HINT3: variants seen among roughly 807,000 people sequenced by gnomAD.
HINT3 encodes the protein adenosine 5'-monophosphoramidase HINT3.
In HINT3, 16 loss-of-function variants were observed where a neutral mutation model predicts 19.1. The ratio of observed to expected loss-of-function variants is 0.84; its 90% CI spans 0.57 to 1.27. The LOEUF (loss-of-function observed/expected upper bound fraction) is 1.27, where lower values mean the gene tolerates loss of function less well. HINT3 is among the 50% of genes most tolerant of loss of function. HINT3 has a pLI of 0.00. For missense variants in HINT3, 197 were observed against 225.8 expected, an observed-to-expected ratio of 0.87 and a Z score of 0.82; for synonymous variants, 75 against 84.8, an observed-to-expected ratio of 0.88 and a Z score of 0.63.
intron 2 of HINT3, among the ~76,000 whole-genome samples, chr6:125,971,702 CTTTTTTTTTTTTTTTTT>C (rs142105115): frequency 1.7e-5 from 1 of 59,628 alleles, no homozygotes; most frequent in South Asian, 8.5e-4. Flanking sequence ...GCCTGGCTAC[CTTTTTTTTTTTTTTTTT>C]TTTTTTTTTG....
intron 2 of HINT3, among the ~76,000 whole-genome samples, chr6:125,969,319 A>G (rs140923124): frequency 1.7e-3 from 262 of 152,196 alleles, no homozygotes; most frequent in Middle Eastern, 6.8e-3. Context: ...GGCTGCAGGT[A>G]TGTGGCTTTA....
Position 125,977,810 on chromosome 6 carries a change from T to C in HINT3, c.*134T>C. The C allele has an allele frequency of 1.9e-6, 1 of 517,218 alleles. No homozygotes were observed. Among genetic ancestry groups the C allele is most frequent in the Non-Finnish European group, 3.5e-6 (1 of 282,628 alleles). The allele number at this position is 517,218 out of a possible 1,614,324, so 32.0% of individuals were successfully genotyped here. ...CTGTTACTTAGTGGCCTTAAATCTT[T>C]TCTGAATGTCTGTTTCCTAAGATCT... On this transcript the variant is annotated 3_prime_UTR_variant, in exon 5 of 5. Transcript: ENST00000229633.
chr6:125,964,768 ACACACAC>A lies in HINT3; in HGVS notation c.202-2118_202-2112del, dbSNP rs1788993308. On this transcript the variant is annotated intron_variant, in intron 1 of 4. Transcript: ENST00000229633. ...CACACACACACACACACACACACAC[ACACACAC>A]AATCATTTCATATTTTTGCCAGCGT... is the stretch of plus-strand genomic sequence containing the variant. Among the ~76,000 whole-genome samples the A allele has an allele frequency of 2.3e-5, 3 of 128,688 alleles. No homozygotes were observed. In the East Asian group the frequency reaches 9.6e-4, roughly 41 times the overall value. The allele number at this position is 128,688 out of a possible 152,430, so 84.4% of individuals were successfully genotyped here. A position where few individuals can be genotyped will look rare whatever the true frequency, so the allele number is the denominator to read the frequency against.
At chr6:125,961,385 A>G (rs1398061098) in intron 1 of HINT3, among the ~76,000 whole-genome samples, 1 of 152,134 alleles carries the variant, frequency 6.6e-6, no homozygotes, top group Non-Finnish European at 1.5e-5. Flanking sequence ...CAATTCTTAT[A>G]CTATCTACCT....
intron 4 of HINT3, among the ~76,000 whole-genome samples, chr6:125,976,061 A>G (rs773925563): frequency 6.6e-6 from 1 of 152,212 alleles, no homozygotes; most frequent in African/African-American, 2.4e-5. Context: ...ATGATGACAA[A>G]GTGATCTGTA....
chr6:125,979,758 A>T lies in HINT3; in HGVS notation c.*2082A>T, dbSNP rs1789224702. On this transcript the variant is annotated 3_prime_UTR_variant, in exon 5 of 5. Transcript: ENST00000229633. The stretch of plus-strand genomic sequence containing the variant: ...GACAGAGTGAGACTTTGTCTCAAAG[A>T]AAAAAAAACAATAATAGGTAAAGTA... The T allele has an allele frequency of 6.6e-6, 1 of 151,274 alleles. No individual in the cohort carries two copies. The highest frequency in any genetic ancestry group is 1.5e-5 in the Non-Finnish European group (1 of 67,792). The allele number at this position is 151,274 out of a possible 1,614,324, so 9.4% of individuals were successfully genotyped here. A position where few individuals can be genotyped will look rare whatever the true frequency, so the allele number is the denominator to read the frequency against.
chr6:125,973,303 T>C (rs189232656), intron 3 of HINT3, among the ~76,000 whole-genome samples: 143 of 152,198 alleles, frequency 9.4e-4, no homozygotes, highest in Middle Eastern at 3.4e-3. Context: ...GGTCTCGAAC[T>C]CCTGACATCA....
At chr6:125,966,129 A>C (rs920728504) in intron 1 of HINT3, among the ~76,000 whole-genome samples, 6 of 152,240 alleles carry the variant, frequency 3.9e-5, no homozygotes, top group Admixed American at 3.3e-4. Context: ...GATATTCACT[A>C]TCAGATATTT....
intron 1 of HINT3, among the ~76,000 whole-genome samples, chr6:125,957,484 A>G (rs1376844177): frequency 6.6e-6 from 1 of 152,176 alleles, no homozygotes; most frequent in African/African-American, 2.4e-5. Context: ...GCTTTGGCCT[A>G]TGTTTGCAGG....
At chr6:125,961,563 A>T (rs1788926932) in intron 1 of HINT3, among the ~76,000 whole-genome samples, 1 of 152,140 alleles carries the variant, frequency 6.6e-6, no homozygotes, top group Non-Finnish European at 1.5e-5. Flanking sequence ...GGCTTACAGA[A>T]CTCAGGGAAA....
At chr6:125,968,591 T>C (rs1375167448) in intron 2 of HINT3, among the ~76,000 whole-genome samples, 1 of 152,228 alleles carries the variant, frequency 6.6e-6, no homozygotes, top group African/African-American at 2.4e-5. Context: ...ATCTCCAAAC[T>C]GCTTTCCACA....
Position 125,977,284 on chromosome 6 carries a change from C to T in HINT3, c.517-360C>T, listed in dbSNP as rs570983586. ...ATTGTCTCCATAGTTTGGCTTTTTG[C>T]AGAATGTCATATGGTTGGAATCCTA... is the stretch of plus-strand genomic sequence containing the variant. On this transcript the variant is annotated intron_variant, in intron 4 of 4. Transcript: ENST00000229633. Among the ~76,000 whole-genome samples the T allele has an allele frequency of 7.2e-5, 11 of 152,268 alleles. No individual in the cohort carries two copies. In the South Asian group the frequency reaches 2.3e-3, roughly 32 times the overall value.
chr6:125,966,929 A>G lies in HINT3; in HGVS notation c.244A>G (p.Thr82Ala), dbSNP rs1282577335. The change falls in exon 2 of 5, where the codon ACT (threonine) becomes GCT (alanine). Residue 82 changes from threonine to alanine, a missense_variant. Coordinates refer to ENST00000229633, the MANE Select transcript of HINT3 (RefSeq NM_138571.5). ...ICFKDIKPAATHHYLVVPKKH... is the reference protein window; with the variant it reads ...ICFKDIKPAAAHHYLVVPKKH... ...CTTCAAAGATATCAAACCAGCAGCAACTCATCATTATCTTGTGGTGCCAAA... is the reference window on the plus strand; with the variant it reads ...CTTCAAAGATATCAAACCAGCAGCAGCTCATCATTATCTTGTGGTGCCAAA... 1 of 1,613,032 alleles carries G rather than the reference A, an allele frequency of 6.2e-7. No individual in the cohort carries two copies. Among genetic ancestry groups the G allele is most frequent in the African/African-American group, 1.3e-5 (1 of 74,874 alleles).
At chr6:125,972,203 A>C (rs1789111331) in intron 2 of HINT3, 56 bp from the exon 3 acceptor site, 1 of 1,132,842 alleles carries the variant, frequency 8.8e-7, no homozygotes, top group Non-Finnish European at 1.3e-6. Context: ...GATCAATGGC[A>C]ATTTGTGACC....
intron 4 of HINT3, among the ~76,000 whole-genome samples, chr6:125,976,454 A>ATG (rs1430493274): frequency 2.0e-5 from 3 of 148,762 alleles, no homozygotes; most frequent in African/African-American, 4.9e-5. Flanking sequence ...ATATATATGT[A>ATG]TGTGTGTGTG....
intron 1 of HINT3, among the ~76,000 whole-genome samples, chr6:125,959,847 T>C (rs1788892377): frequency 6.6e-6 from 1 of 152,214 alleles, no homozygotes; most frequent in Non-Finnish European, 1.5e-5. Flanking sequence ...ACTCTCTGTG[T>C]GCCAGGCACT....
At chr6:125,974,158 G>T (rs920575443) in intron 3 of HINT3, among the ~76,000 whole-genome samples, 1 of 152,178 alleles carries the variant, frequency 6.6e-6, no homozygotes, top group African/African-American at 2.4e-5. Context: ...ACAGGTGTGT[G>T]TTGCTCTGCT....
intron 1 of HINT3, among the ~76,000 whole-genome samples, chr6:125,957,469 C>T (rs1004581546): frequency 2.6e-5 from 4 of 152,154 alleles, no homozygotes; most frequent in Admixed American, 6.5e-5. Context: ...ATGACAGGGC[C>T]GAATGCTTTG....
intron 2 of HINT3, among the ~76,000 whole-genome samples, chr6:125,970,576 T>A (rs1789083574): frequency 6.6e-6 from 1 of 152,194 alleles, no homozygotes; most frequent in African/African-American, 2.4e-5. Flanking sequence ...AATATTTCCA[T>A]ACTAAAAGTT....
Sources: allele counts gnomAD v4.1 joint callset (sites outside exome capture counted in the v4.1 genomes callset), GRCh38; gene constraint gnomAD v4.1.1; transcripts MANE v1.5; gene names NCBI Gene and HGNC (gene_info 2026-07-23, HGNC 2026-07-21).